Variants in LIPI observed in about 807,000 individuals in gnomAD.
LIPI encodes the protein lipase member I.
A neutral mutation model predicts 50.6 loss-of-function variants in LIPI; 59 were observed. The ratio of observed to expected loss-of-function variants is 1.16; its 90% CI spans 0.94 to 1.45. LIPI has a LOEUF of 1.45. Ranked by LOEUF, LIPI falls within the 40% of genes most tolerant of loss-of-function variation. The pLI, the probability that LIPI is intolerant of heterozygous loss-of-function variation, is 0.00. For missense variants in LIPI, 586 were observed against 536.3 expected (o/e 1.09, Z -0.92); for synonymous variants, 203 against 178.2 (o/e 1.14, Z -1.11).
chr21:14,184,834 C>A (rs1033502831), intron 3 of LIPI, among the ~76,000 whole-genome samples: 6 of 152,172 alleles, frequency 3.9e-5, no homozygotes, highest in Non-Finnish European at 8.8e-5. Flanking sequence ...CTTGACCCTC[C>A]TACATTCATT....
chr21:14,170,484 A>T (rs2018857479), intron 4 of LIPI, among the ~76,000 whole-genome samples: 1 of 152,190 alleles, frequency 6.6e-6, no homozygotes. Context: ...TGGCAAACCG[A>T]ATCCAGCAGC....
At chr21:14,110,222 T>A (rs549104200) in intron 9 of LIPI, among the ~76,000 whole-genome samples, 4 of 151,968 alleles carry the variant, frequency 2.6e-5, no homozygotes, top group African/African-American at 9.6e-5. Flanking sequence ...AAAAAATATA[T>A]AAGCTTCTTT....
chr21:14,142,381 A>G (rs1031050004), intron 9 of LIPI, among the ~76,000 whole-genome samples: 1 of 151,474 alleles, frequency 6.6e-6, no homozygotes, highest in Non-Finnish European at 1.5e-5. Flanking sequence ...TAAAGGAAAT[A>G]AACAAAAATG....
At chr21:14,163,218 T>C (rs1342185097) in intron 7 of LIPI, among the ~76,000 whole-genome samples, 2 of 151,804 alleles carry the variant, frequency 1.3e-5, no homozygotes, top group East Asian at 1.9e-4. Flanking sequence ...TGGGAAAATA[T>C]TACCCAAGCG....
At chr21:14,205,563 C>A (rs2020203320) in intron 1 of LIPI, among the ~76,000 whole-genome samples, 1 of 151,752 alleles carries the variant, frequency 6.6e-6, no homozygotes, top group Admixed American at 6.6e-5. Context: ...CCCACACACA[C>A]ATCTTTATTG....
intron 1 of LIPI, among the ~76,000 whole-genome samples, chr21:14,190,539 C>A (rs1407371858): frequency 1.3e-5 from 2 of 152,204 alleles, no homozygotes; most frequent in East Asian, 3.9e-4. Context: ...TATTTTAATA[C>A]TGAGATAATA....
chr21:14,204,095 A>T (rs1335770598), intron 1 of LIPI, among the ~76,000 whole-genome samples: 1 of 152,024 alleles, frequency 6.6e-6, no homozygotes, highest in African/African-American at 2.4e-5. Flanking sequence ...TGTGGGGGTT[A>T]TGGGGAGCGA....
intron 1 of LIPI, among the ~76,000 whole-genome samples, chr21:14,197,607 T>C (rs1450674380): frequency 6.6e-6 from 1 of 151,928 alleles, no homozygotes; most frequent in Non-Finnish European, 1.5e-5. Flanking sequence ...CAGAGAAATA[T>C]GGGATTATGT....
intron 7 of LIPI, among the ~76,000 whole-genome samples, chr21:14,161,395 A>G (rs1192727765): frequency 2.8e-5 from 4 of 142,444 alleles, no homozygotes; most frequent in Non-Finnish European, 4.5e-5. Flanking sequence ...TATAATATCT[A>G]TGTTATATAT....
intron 1 of LIPI, among the ~76,000 whole-genome samples, chr21:14,203,043 CAAAAG>C (rs2020113535): frequency 6.6e-6 from 1 of 152,122 alleles, no homozygotes; most frequent in African/African-American, 2.4e-5. Context: ...AGACACTTCT[CAAAAG>C]AAGACATTTA....
At chr21:14,184,067 G>C (rs933755017) in intron 3 of LIPI, among the ~76,000 whole-genome samples, 1 of 152,084 alleles carries the variant, frequency 6.6e-6, no homozygotes, top group African/African-American at 2.4e-5. Context: ...CAAAGACTTG[G>C]AACCAACCTA....
At chr21:14,153,418 G>A (rs1788026325) in intron 7 of LIPI, among the ~76,000 whole-genome samples, 3 of 152,130 alleles carry the variant, frequency 2.0e-5, no homozygotes, top group Admixed American at 2.0e-4. Flanking sequence ...AAAGTACTTT[G>A]ATTCACCTTG....
chr21:14,116,566 C>T (rs762771088), intron 9 of LIPI, among the ~76,000 whole-genome samples: 9 of 152,216 alleles, frequency 5.9e-5, no homozygotes, highest in East Asian at 3.9e-4. Flanking sequence ...AAGTTAAGAC[C>T]GCAGAGGCTA....
At position 14,189,360 on chromosome 21, in the gene LIPI, A is replaced by C. The variant is rs1414756419; in HGVS notation, c.106T>G (p.Leu36Val). Residue 36 changes from leucine (L) to valine (V), a missense_variant, in exon 2 of 10, where the codon TTA becomes GTA. Physicochemically the swap from Leu to Val is conservative, Grantham distance 32. Transcript: ENST00000681601. ...QLSVKDSFRD[L>V]FIPRIETILM... ...ATGGTCTCTATTCTCGGAATAAATA[A>C]ATCTCTGAAGGAATCCTTTACACTT... The C allele has an allele frequency of 6.2e-7, 1 of 1,612,442 alleles. No individual in the cohort carries two copies. Among genetic ancestry groups the C allele is most frequent in the Non-Finnish European group, 8.5e-7 (1 of 1,178,598 alleles).
At chr21:14,151,879 G>C (rs182168189) in intron 8 of LIPI, among the ~76,000 whole-genome samples, 103 of 151,970 alleles carry the variant, frequency 6.8e-4, no homozygotes, top group Non-Finnish European at 1.2e-3. Context: ...TATTGTTTGG[G>C]AGCCTTGTAG....
chr21:14,149,313 A>C (rs1224933508), intron 8 of LIPI, among the ~76,000 whole-genome samples: 1 of 152,138 alleles, frequency 6.6e-6, no homozygotes, highest in Non-Finnish European at 1.5e-5. Context: ...CAAGAGAATA[A>C]TATAGGGGAA....
At chr21:14,174,513 AT>A (rs145191379) in intron 4 of LIPI, among the ~76,000 whole-genome samples, 7 of 150,640 alleles carry the variant, frequency 4.6e-5, no homozygotes, top group Middle Eastern at 3.4e-3. Flanking sequence ...CTAACCCATC[AT>A]TTTTTTTTAA....
intron 3 of LIPI, 74 bp from the exon 4 acceptor site, chr21:14,181,933 C>T: frequency 3.8e-6 from 3 of 784,404 alleles, no homozygotes; most frequent in Non-Finnish European, 6.8e-6. Context: ...TCCATTATTA[C>T]TGCATTATAA....
chr21:14,150,124 C>A (rs1484694553), intron 8 of LIPI, among the ~76,000 whole-genome samples: 2 of 152,212 alleles, frequency 1.3e-5, no homozygotes, highest in Admixed American at 6.5e-5. Flanking sequence ...TTTCCACACA[C>A]CCTCTGAAAT....
Sources: allele counts gnomAD v4.1 joint callset (sites outside exome capture counted in the v4.1 genomes callset), GRCh38; gene constraint gnomAD v4.1.1; transcripts MANE v1.5; gene names NCBI Gene and HGNC (gene_info 2026-07-23, HGNC 2026-07-21).